Variants in AGR3 observed in about 807,000 individuals in gnomAD.
The protein encoded by AGR3 is anterior gradient 3, protein disulphide isomerase family member.
AGR3 carries 37 observed loss-of-function variants against 24.5 expected under a neutral mutation model. The ratio of observed to expected loss-of-function variants is 1.51; its 90% CI spans 1.16 to 1.99. The LOEUF (loss-of-function observed/expected upper bound fraction) is 1.99, where lower values mean the gene tolerates loss of function less well. Ranked by LOEUF, AGR3 falls within the 30% of genes most tolerant of loss-of-function variation. The probability of loss-of-function intolerance (pLI) is 0.00; values close to 1 mark genes in which losing one functional copy is unlikely to be tolerated. For missense variants in AGR3, 228 were observed against 191.1 expected, an observed-to-expected ratio of 1.19 and a Z score of -1.14; for synonymous variants, 75 against 61.6, an observed-to-expected ratio of 1.22 and a Z score of -1.02.
At chr7:16,862,312 T>C (rs1171774303) in intron 4 of AGR3, among the ~76,000 whole-genome samples, 4 of 152,328 alleles carry the variant, frequency 2.6e-5, no homozygotes, top group East Asian at 3.9e-4. Context: ...CATTGACTCA[T>C]TGGTTAAGAC....
At chr7:16,873,260 A>C (rs4537218) in intron 3 of AGR3, among the ~76,000 whole-genome samples, 141,628 of 152,162 alleles carry the variant, frequency 0.93, 66,486 homozygotes, top group Non-Finnish European at 1. Flanking sequence ...TACTACCCAG[A>C]CATAAAAATA....
rs902062349 is a variant in AGR3, at chr7:16,879,361, T to C, written c.-27-716A>G. On this transcript the variant is annotated intron_variant, in intron 1 of 7. Transcript: ENST00000310398. The stretch of plus-strand genomic sequence containing the variant: ...GCTAGAATTCAAACTGATTCTTAAC[T>C]CAATGTGCATCTTTTATACTTTGCA... Among the ~76,000 whole-genome samples the C allele has an allele frequency of 2.6e-5, 4 of 152,228 alleles. No homozygotes were observed. The South Asian group carries it at 6.2e-4, about 24-fold the overall frequency.
Position 16,862,004 on chromosome 7 carries a change from A to G in AGR3, c.283T>C (p.Phe95Leu), listed in dbSNP as rs1454249556. The G allele has an allele frequency of 1.9e-6, 3 of 1,613,104 alleles. No homozygotes were observed. The highest frequency in any genetic ancestry group is 2.2e-5 in the East Asian group (1 of 44,844). ...EEIQEMAQNKFIMLNLMHETT... is the reference protein window; with the variant it reads ...EEIQEMAQNKLIMLNLMHETT... ...TGTACCATAAGGTTTAGCATGATGA[A>G]CTTATTCTGAGCCATTTCTTGTATT... Residue 95 changes from phenylalanine to leucine, a missense_variant, in exon 5 of 8, where the codon TTC becomes CTC. By Grantham distance (22) the Phe-to-Leu change is conservative. Transcript: ENST00000310398.
chr7:16,873,992 C>T (rs1275076069), intron 2 of AGR3, 149 bp from the exon 3 acceptor site: 6 of 658,212 alleles, frequency 9.1e-6, no homozygotes, highest in South Asian at 5.6e-5. Context: ...ACACAATTTT[C>T]ACAAGATATG....
At chr7:16,878,797 C>T (rs993538436) in intron 1 of AGR3, among the ~76,000 whole-genome samples, 152 bp from the exon 2 acceptor site, 4 of 152,194 alleles carry the variant, frequency 2.6e-5, no homozygotes, top group African/African-American at 9.6e-5. Context: ...AACTTTCATT[C>T]ACATTTTATT....
chr7:16,872,495 A>G (rs925503989), intron 3 of AGR3, among the ~76,000 whole-genome samples: 30 of 152,316 alleles, frequency 2.0e-4, no homozygotes, highest in Admixed American at 6.5e-5. Context: ...ACCCCAAACT[A>G]TAACACTCCT....
intron 3 of AGR3, chr7:16,864,739 G>A (rs11975051): frequency 0.98 from 1,395,403 of 1,422,596 alleles, 685,817 homozygotes; most frequent in Non-Finnish European, 1. Flanking sequence ...CGGTGTGTGC[G>A]AGGGTCAAAA....
At chr7:16,869,584 C>A (rs1781824952) in intron 3 of AGR3, among the ~76,000 whole-genome samples, 1 of 151,710 alleles carries the variant, frequency 6.6e-6, no homozygotes, top group African/African-American at 2.4e-5. Flanking sequence ...AAAAATTGGC[C>A]CATGTGGTGG....
intron 3 of AGR3, chr7:16,865,236 A>T (rs372591002): frequency 1.2e-6 from 1 of 803,290 alleles, no homozygotes; most frequent in South Asian, 1.5e-5. Flanking sequence ...TTTTAAAGAC[A>T]TTCTTTTTTT....
intron 2 of AGR3, among the ~76,000 whole-genome samples, chr7:16,874,947 C>T (rs538648971): frequency 1.3e-5 from 2 of 151,928 alleles, no homozygotes; most frequent in East Asian, 3.9e-4. Context: ...TGTAATCTGT[C>T]TCTACTAAAA....
intron 1 of AGR3, among the ~76,000 whole-genome samples, chr7:16,879,459 A>T (rs1318919358): frequency 1.3e-5 from 2 of 152,216 alleles, no homozygotes; most frequent in Non-Finnish European, 2.9e-5. Context: ...ATATTACAGG[A>T]AGTCTTTAAT....
intron 2 of AGR3, 101 bp downstream of exon 2, chr7:16,878,409 A>T: frequency 1.0e-6 from 1 of 953,552 alleles, no homozygotes; most frequent in Non-Finnish European, 1.6e-6. Context: ...TCATTCAGTT[A>T]GTTGAATTTG....
chr7:16,881,218 C>A (rs1396900671), intron 1 of AGR3, among the ~76,000 whole-genome samples: 2 of 152,086 alleles, frequency 1.3e-5, no homozygotes, highest in African/African-American at 4.8e-5. Context: ...TAAGCGGGAA[C>A]CATTTTTTCT....
chr7:16,862,601 TA>T lies in AGR3; in HGVS notation c.226+8del. ...TATATTATAATAAGATATCAGGGGC[TA>T]AAATTACCTTGAGAGTATTGACAAT... On this transcript the variant is annotated splice_region_variant and intron_variant, in intron 4 of 7. Transcript: ENST00000310398. The T allele has an allele frequency of 6.7e-7, 1 of 1,496,342 alleles. No homozygotes were observed. Among genetic ancestry groups the T allele is most frequent in the Non-Finnish European group, 8.9e-7 (1 of 1,124,462 alleles). The allele number at this position is 1,496,342 out of a possible 1,614,324, so 92.7% of individuals were successfully genotyped here.
chr7:16,857,936 T>C (rs1781575912), downstream of AGR3, among the ~76,000 whole-genome samples: 7 of 152,032 alleles, frequency 4.6e-5, no homozygotes, highest in Admixed American at 4.6e-4. Context: ...CAAATTTTGC[T>C]AAATGCAATA....
At chr7:16,872,123 A>G (rs542853849) in intron 3 of AGR3, among the ~76,000 whole-genome samples, 6 of 152,278 alleles carry the variant, frequency 3.9e-5, no homozygotes, top group African/African-American at 1.2e-4. Flanking sequence ...TTTGTATAGA[A>G]CCACAACAGA....
Position 16,878,551 on chromosome 7 carries a change from G to T in AGR3, c.68C>A (p.Ala23Glu), listed in dbSNP as rs774480411. ...LVTVSSNLAI[A>E]IKKEKRPPQT... ...AGGAGGCCTCTTTTCCTTTTTTATT[G>T]CAATGGCAAGGTTGGAAGAAACTGT... The change falls in exon 2 of 8, where the codon GCA (alanine) becomes GAA (glutamate). Residue 23 changes from alanine to glutamate, a missense_variant. Coordinates refer to ENST00000310398, the MANE Select transcript of AGR3 (RefSeq NM_176813.5). 1.9e-6 allele frequency: 3 copies of T among 1,614,054 alleles called. No homozygotes were observed. The highest frequency in any genetic ancestry group is 2.5e-6 in the Non-Finnish European group (3 of 1,179,978).
chr7:16,865,385 G>T (rs1323374446), intron 3 of AGR3: 1 of 1,065,288 alleles, frequency 9.4e-7, no homozygotes, highest in Non-Finnish European at 1.4e-6. Flanking sequence ...CTCCATTCTT[G>T]TTAGCCTCTA....
intron 3 of AGR3, among the ~76,000 whole-genome samples, chr7:16,871,164 C>A (rs1178034534): frequency 6.6e-6 from 1 of 152,156 alleles, no homozygotes; most frequent in Non-Finnish European, 1.5e-5. Context: ...AACAGGCAGG[C>A]CTTAGAACTG....
Sources: gnomAD v4.1 joint callset for allele counts (sites outside exome capture counted in the v4.1 genomes callset) on GRCh38, gnomAD v4.1.1 for gene constraint, MANE v1.5 for transcripts, NCBI Gene and HGNC (gene_info 2026-07-23, HGNC 2026-07-21) for gene names.